Variants in ORC2 observed in about 807,000 individuals in gnomAD.
The protein encoded by ORC2 is origin recognition complex protein 2 homolog.
In ORC2, 37 loss-of-function variants were observed where a neutral mutation model predicts 77.7. That is an observed-to-expected ratio of 0.48 (90% confidence interval 0.37 to 0.63). The LOEUF is 0.63. Ranked by LOEUF, ORC2 falls within the 20% of genes least tolerant of loss-of-function variation. The pLI, the probability that ORC2 is intolerant of heterozygous loss-of-function variation, is 0.00. For missense variants in ORC2, 557 were observed against 661.9 expected, an observed-to-expected ratio of 0.84 and a Z score of 1.74; for synonymous variants, 201 against 229.5, an observed-to-expected ratio of 0.88 and a Z score of 1.12.
chr2:200,918,190 A>G (rs909597660), intron 15 of ORC2, among the ~76,000 whole-genome samples: 1 of 152,234 alleles, frequency 6.6e-6, no homozygotes, highest in Non-Finnish European at 1.5e-5. Context: ...ATCATCCCAT[A>G]TAAGTCAATA....
chr2:200,944,748 C>G (rs1364123719), intron 5 of ORC2, among the ~76,000 whole-genome samples: 1 of 152,136 alleles, frequency 6.6e-6, no homozygotes. Flanking sequence ...CTATGTTGCT[C>G]AGGCTGGTTT....
chr2:200,933,847 A>C lies in ORC2; in HGVS notation c.807+29T>G, dbSNP rs749287863. On this transcript the variant is annotated intron_variant, in intron 10 of 17. Transcript: ENST00000234296. Reference sequence around the variant, plus strand: ...TATTTTTCAGGACAGAGTAAAAAAAATTTAGAAGTAACATTCCTTGTAACA... The same window carrying C: ...TATTTTTCAGGACAGAGTAAAAAAACTTTAGAAGTAACATTCCTTGTAACA... The C allele has an allele frequency of 2.4e-5, 32 of 1,355,648 alleles. 1 individual carries two copies. Among genetic ancestry groups the C allele is most frequent in the Admixed American group, 2.0e-4 (10 of 50,132 alleles). The allele number at this position is 1,355,648 out of a possible 1,614,324, so 84.0% of individuals were successfully genotyped here. A position where few individuals can be genotyped will look rare whatever the true frequency, so the allele number is the denominator to read the frequency against.
chr2:200,920,680 GA>G (rs1363675126), intron 14 of ORC2, among the ~76,000 whole-genome samples: 2 of 152,090 alleles, frequency 1.3e-5, no homozygotes, highest in Non-Finnish European at 2.9e-5. Flanking sequence ...AGGATTATCA[GA>G]AAGTCTATAA....
chr2:200,940,515 A>C (rs1273505632), intron 7 of ORC2, among the ~76,000 whole-genome samples: 5 of 152,120 alleles, frequency 3.3e-5, no homozygotes, highest in Admixed American at 3.3e-4. Flanking sequence ...CAAAAACACA[A>C]AGGAGGCCAG....
At chr2:200,928,480 A>G (rs999002953) in intron 11 of ORC2, among the ~76,000 whole-genome samples, 1 of 152,056 alleles carries the variant, frequency 6.6e-6, no homozygotes, top group African/African-American at 2.4e-5. Context: ...TACTTTTCAG[A>G]TGACAGATGA....
At chr2:200,933,555 C>G (rs1179246216) in intron 10 of ORC2, among the ~76,000 whole-genome samples, 1 of 152,014 alleles carries the variant, frequency 6.6e-6, no homozygotes, top group East Asian at 1.9e-4. Flanking sequence ...TCTGTCTAAT[C>G]CAGTAAATTA....
At chr2:200,920,493 A>G in intron 14 of ORC2, 100 bp from the exon 15 acceptor site, 1 of 981,174 alleles carries the variant, frequency 1.0e-6, no homozygotes, top group South Asian at 3.4e-5. Context: ...TTAAATAAAA[A>G]TGAATCCCCA....
At chr2:200,916,706 T>C (rs1053032971) in intron 15 of ORC2, among the ~76,000 whole-genome samples, 1 of 152,266 alleles carries the variant, frequency 6.6e-6, no homozygotes, top group Non-Finnish European at 1.5e-5. Flanking sequence ...TTTTTTATTT[T>C]ATTTTATTTT....
chr2:200,932,416 T>G (rs1433566408), intron 10 of ORC2, among the ~76,000 whole-genome samples: 1 of 148,610 alleles, frequency 6.7e-6, no homozygotes, highest in Non-Finnish European at 1.5e-5. Context: ...CTCAGCTCAC[T>G]GCAAACTCCA....
chr2:200,953,037 A>G (rs923034370), intron 4 of ORC2, among the ~76,000 whole-genome samples: 1 of 149,012 alleles, frequency 6.7e-6, no homozygotes, highest in African/African-American at 2.5e-5. Context: ...ACCTGAGCCC[A>G]GGGAGGCTAA....
intron 17 of ORC2, among the ~76,000 whole-genome samples, chr2:200,912,647 T>G (rs1212944032): frequency 3.3e-5 from 5 of 152,130 alleles, no homozygotes; most frequent in South Asian, 4.2e-4. Context: ...CTCGAACTCC[T>G]GGGCTCAAAT....
chr2:200,932,357 TGA>T (rs2040958716), intron 10 of ORC2, among the ~76,000 whole-genome samples: 2 of 147,972 alleles, frequency 1.4e-5, no homozygotes, highest in African/African-American at 2.5e-5. Context: ...TTTTTTTTTT[TGA>T]GACAGAGTCT....
intron 10 of ORC2, among the ~76,000 whole-genome samples, 194 bp from the exon 11 acceptor site, chr2:200,931,642 T>G (rs1224316739): frequency 6.6e-6 from 1 of 152,210 alleles, no homozygotes. Context: ...TTCTTAAAAT[T>G]GTTAACATTC....
rs2041512609 is a variant in ORC2, at chr2:200,958,393, AAAAAT to A, written c.-10-265_-10-261del. On this transcript the variant is annotated intron_variant, in intron 2 of 17. Coordinates refer to ENST00000234296, the MANE Select transcript of ORC2 (RefSeq NM_006190.5). Reference sequence around the variant, plus strand: ...ATCAAGGTAGCTAAAATATACTCAGAAAAATAAAATAAAATATTCTCAGAAAAACA... The same window carrying A: ...ATCAAGGTAGCTAAAATATACTCAGAAAAATAAAATATTCTCAGAAAAACA... Among the ~76,000 whole-genome samples the A allele has an allele frequency of 3.9e-5, 6 of 152,330 alleles. 1 individual carries two copies. Among genetic ancestry groups the A allele is most frequent in the Admixed American group, 3.3e-4 (5 of 15,292 alleles).
In ORC2 at chr2:200,922,696, A is replaced by T. The variant is rs75280888; in HGVS notation, c.1148-1557T>A. Among the ~76,000 whole-genome samples, 1,466 of 152,228 alleles carry T rather than the reference A, an allele frequency of 9.6e-3. 19 individuals are homozygous for T. The highest frequency in any genetic ancestry group is 0.034 in the African/African-American group (1,401 of 41,538). On this transcript the variant is annotated intron_variant, in intron 13 of 17. Transcript: ENST00000234296. ...CTGAAATCTAGACGTCATCATATTT[A>T]ACAGTATCAAAACCAAAAACACCCA... is the stretch of plus-strand genomic sequence containing the variant.
At chr2:200,935,128 AT>A (rs533272945) in intron 9 of ORC2, among the ~76,000 whole-genome samples, 279 of 152,158 alleles carry the variant, frequency 1.8e-3, no homozygotes, top group African/African-American at 6.1e-3. Context: ...TTAAAAATTT[AT>A]TTATTTATTT....
At chr2:200,914,943 T>C (rs2040615829) in intron 15 of ORC2, among the ~76,000 whole-genome samples, 1 of 151,008 alleles carries the variant, frequency 6.6e-6, no homozygotes, top group Non-Finnish European at 1.5e-5. Flanking sequence ...AATTCACACA[T>C]TTATATACTG....
intron 13 of ORC2, among the ~76,000 whole-genome samples, chr2:200,923,416 T>C (rs1408452242): frequency 2.0e-5 from 3 of 151,728 alleles, no homozygotes; most frequent in African/African-American, 7.3e-5. Flanking sequence ...GACCGGCTAG[T>C]TTTTTGTATT....
In ORC2 at chr2:200,933,977, G is replaced by GTTCACTTTC; in HGVS notation, c.709-4_709-3insGAAAGTGAA. 6.5e-7 allele frequency: 1 copy of GTTCACTTTC among 1,546,372 alleles called. No homozygotes were observed. Among genetic ancestry groups the GTTCACTTTC allele is most frequent in the Non-Finnish European group, 8.9e-7 (1 of 1,121,980 alleles). On this transcript the variant is annotated splice_polypyrimidine_tract_variant and splice_region_variant and intron_variant, in intron 9 of 17. Coordinates refer to ENST00000234296, the MANE Select transcript of ORC2 (RefSeq NM_006190.5). The stretch of plus-strand genomic sequence containing the variant: ...AAATATTCTTCTACTAAGTCACTCT[G>GTTCACTTTC]AAAGTGAACAGAGTAGTCAGTCCTT...
Sources: allele counts gnomAD v4.1 joint callset (sites outside exome capture counted in the v4.1 genomes callset), GRCh38; gene constraint gnomAD v4.1.1; transcripts MANE v1.5; gene names NCBI Gene and HGNC (gene_info 2026-07-23, HGNC 2026-07-21).